Variants in ZNF225 observed in about 807,000 individuals in gnomAD.
ZNF225 encodes the protein zinc finger protein 225.
A neutral mutation model predicts 12.0 loss-of-function variants in ZNF225; 6 were observed. The ratio of observed to expected loss-of-function variants is 0.50; its 90% confidence interval spans 0.27 to 0.98. The LOEUF (loss-of-function observed/expected upper bound fraction) is 0.98, where lower values mean the gene tolerates loss of function less well. Ranked by LOEUF, ZNF225 falls within the 50% of genes least tolerant of loss-of-function variation. ZNF225 has a pLI of 0.11. For synonymous variants in ZNF225, 271 were observed against 283.2 expected, an observed-to-expected ratio of 0.96 and a Z score of 0.43; for missense variants, 763 against 848.2, an observed-to-expected ratio of 0.90 and a Z score of 1.25.
chr19:44,129,128 G>A, intron 4 of ZNF225: 3 of 1,228,974 alleles, frequency 2.4e-6, no homozygotes, highest in South Asian at 8.3e-5. Context: ...TATCAGTACA[G>A]ACAAATGAGA....
In ZNF225 at chr19:44,131,807, C is replaced by T. The variant is rs865908581; in HGVS notation, c.1193C>T (p.Thr398Ile). 5 of 1,613,504 alleles carry T rather than the reference C, an allele frequency of 3.1e-6. No individual in the cohort carries two copies. The highest frequency in any genetic ancestry group is 1.1e-5 in the South Asian group (1 of 91,032). Residue 398 changes from threonine to isoleucine, a missense_variant, in exon 5 of 5, where the codon ACA becomes ATA. Transcript: ENST00000262894. ...CATGTGCGAGTCCACAGTGGAGAGA[C>T]AACATTCAAATGTGAAGAATGTGGG... Reference protein sequence around the residue: ...SRHVRVHSGETTFKCEECGKG... With the variant: ...SRHVRVHSGEITFKCEECGKG...
chr19:44,112,729 T>C (rs954826448), upstream of ZNF225: 3 of 152,200 alleles, frequency 2.0e-5, no homozygotes, highest in Non-Finnish European at 4.4e-5. Context: ...ACAAAGACTA[T>C]AATAGTGGCA....
Position 44,131,223 on chromosome 19 carries a change from C to A in ZNF225, c.609C>A (p.Leu203=). 1 of 1,614,076 alleles carries A rather than the reference C, an allele frequency of 6.2e-7. No individual in the cohort carries two copies. The highest frequency in any genetic ancestry group is 8.5e-7 in the Non-Finnish European group (1 of 1,180,034). The part of the protein sequence containing the change: ...IHQRVHMGEK[L]YNCDVCGKEF... The stretch of plus-strand genomic sequence containing the variant: ...AGAGAGTTCACATGGGGGAGAAACT[C>A]TATAATTGTGATGTGTGTGGTAAGG... The change falls in exon 5 of 5, where the codon CTC becomes CTA. Residue 203 remains leucine (L), a synonymous_variant. Transcript: ENST00000262894.
At chr19:44,124,243 T>A (rs932849306) in intron 4 of ZNF225, among the ~76,000 whole-genome samples, 22 of 152,306 alleles carry the variant, frequency 1.4e-4, no homozygotes, top group Middle Eastern at 3.4e-3. Flanking sequence ...AATAATTTTT[T>A]AATTTCTATC....
chr19:44,118,050 A>G, intron 2 of ZNF225, 138 bp from the exon 3 acceptor site: 1 of 779,620 alleles, frequency 1.3e-6, no homozygotes, highest in Non-Finnish European at 1.8e-6. Flanking sequence ...AAATAATAAA[A>G]AAGGAAGTCT....
Position 44,132,643 on chromosome 19 carries a change from G to A in ZNF225, c.2029G>A (p.Glu677Lys). 2.5e-6 allele frequency: 4 copies of A among 1,613,924 alleles called. No homozygotes were observed. Among genetic ancestry groups the A allele is most frequent in the Non-Finnish European group, 3.4e-6 (4 of 1,179,952 alleles). ...AGACCAACAAAGAGACCAAAGTGGA[G>A]AGAAAACATCTAAATGTGAGGACTG... ...LKDQQRDQSG[E>K]KTSKCEDCGK... The change falls in exon 5 of 5, where the codon GAG (glutamate) becomes AAG (lysine). Residue 677 changes from glutamate (E) to lysine (K), a missense_variant. Coordinates refer to ENST00000262894, the MANE Select transcript of ZNF225 (RefSeq NM_013362.4).
In ZNF225 at chr19:44,131,233, G is replaced by T. The variant is rs1968249999; in HGVS notation, c.619G>T (p.Asp207Tyr). 6.2e-7 allele frequency: 1 copy of T among 1,614,196 alleles called. No homozygotes were observed. Among genetic ancestry groups the T allele is most frequent in the Non-Finnish European group, 8.5e-7 (1 of 1,180,038 alleles). ...CATGGGGGAGAAACTCTATAATTGT[G>T]ATGTGTGTGGTAAGGAATTCAATCA... Reference protein sequence around the residue: ...VHMGEKLYNCDVCGKEFNQSS... With the variant: ...VHMGEKLYNCYVCGKEFNQSS... The change falls in exon 5 of 5, where the codon GAT (aspartate) becomes TAT (tyrosine). Residue 207 changes from aspartate (D) to tyrosine (Y), a missense_variant. Asp to Tyr is a radical substitution (Grantham distance 160). Coordinates refer to ENST00000262894, the MANE Select transcript of ZNF225 (RefSeq NM_013362.4).
chr19:44,127,939 A>T (rs1968180565), intron 4 of ZNF225, among the ~76,000 whole-genome samples: 1 of 152,116 alleles, frequency 6.6e-6, no homozygotes, highest in African/African-American at 2.4e-5. Context: ...CACCACTCCT[A>T]GCCAAAAAAA....
intron 4 of ZNF225, among the ~76,000 whole-genome samples, chr19:44,125,740 T>C (rs1347278892): frequency 1.3e-5 from 2 of 152,200 alleles, no homozygotes; most frequent in South Asian, 2.1e-4. Flanking sequence ...TTTCTTATTC[T>C]TTTTTCTTTG....
At chr19:44,129,153 C>T in intron 4 of ZNF225, 2 of 1,189,030 alleles carry the variant, frequency 1.7e-6, no homozygotes, top group Non-Finnish European at 2.1e-6. Context: ...ACATGTTCTG[C>T]AAAAATTCTT....
chr19:44,132,471 TGG>T lies in ZNF225; in HGVS notation c.1860_1861del (p.Glu621LysfsTer6). 1 of 1,614,082 alleles carries T rather than the reference TGG, an allele frequency of 6.2e-7. No homozygotes were observed. Among genetic ancestry groups the T allele is most frequent in the Non-Finnish European group, 8.5e-7 (1 of 1,179,984 alleles). On this transcript the variant is annotated frameshift_variant, in exon 5 of 5. Coordinates refer to ENST00000262894, the MANE Select transcript of ZNF225 (RefSeq NM_013362.4). LOFTEE classifies it low-confidence loss of function (END_TRUNC). ...TTCATTCCCATCAGAGGGTTCACAC[TGG>T]GGAAAAGCCATACAAATGTGAGAAG... Reference protein sequence around the residue: ...QLHSHQRVHTGEKPYKCEKCG... With the variant: ...QLHSHQRVHTXEKPYKCEKCG...
chr19:44,127,271 A>G (rs1444432967), intron 4 of ZNF225, among the ~76,000 whole-genome samples: 1 of 152,208 alleles, frequency 6.6e-6, no homozygotes, highest in Non-Finnish European at 1.5e-5. Context: ...ACTCAGCTCC[A>G]GGTAAGGTCG....
intron 4 of ZNF225, among the ~76,000 whole-genome samples, chr19:44,125,253 C>T (rs546373187): frequency 2.6e-5 from 4 of 152,130 alleles, no homozygotes; most frequent in East Asian, 3.9e-4. Context: ...ATTCTGTCAG[C>T]GTTTGTCTGA....
At chr19:44,115,338 C>T (rs1392661228) in intron 1 of ZNF225, among the ~76,000 whole-genome samples, 1 of 152,176 alleles carries the variant, frequency 6.6e-6, no homozygotes, top group African/African-American at 2.4e-5. Context: ...CCTCCTTGTG[C>T]TCACTTATAG....
Position 44,131,890 on chromosome 19 carries a change from A to G in ZNF225, c.1276A>G (p.Lys426Glu), listed in dbSNP as rs779589928. Residue 426 changes from lysine to glutamate, a missense_variant, in exon 5 of 5, where the codon AAG becomes GAG. Coordinates refer to ENST00000262894, the MANE Select transcript of ZNF225 (RefSeq NM_013362.4). The part of the protein sequence containing the change: ...YSHQRAHSGE[K>E]PYRCEECGKG... ...TCACCAGAGAGCGCACAGTGGAGAA[A>G]AGCCATATAGATGTGAGGAGTGTGG... 1.2e-6 allele frequency: 2 copies of G among 1,614,082 alleles called. No homozygotes were observed. Among genetic ancestry groups the G allele is most frequent in the Non-Finnish European group, 1.7e-6 (2 of 1,180,036 alleles).
intron 1 of ZNF225, among the ~76,000 whole-genome samples, chr19:44,114,557 G>A (rs978710776): frequency 2.6e-5 from 4 of 151,980 alleles, no homozygotes; most frequent in Admixed American, 1.3e-4. Flanking sequence ...TGTCGCCCAG[G>A]CTGTAGTGCA....
chr19:44,114,165 A>C, intron 1 of ZNF225: 1 of 972,910 alleles, frequency 1.0e-6, no homozygotes, highest in Non-Finnish European at 1.6e-6. Context: ...CGACCTTTCC[A>C]AAAGAGCTGC....
rs773802408 is a variant in ZNF225, at chr19:44,118,197, A to G, written c.25A>G (p.Thr9Ala). ...ATGTTCGATGCTGTAGGAGGCAGTG[A>G]CCTTCAAGGACGTGGCTGTGGTCTT... is the stretch of plus-strand genomic sequence containing the variant. MTTLKEAV[T>A]FKDVAVVFTE... Residue 9 changes from threonine to alanine, a missense_variant, in exon 3 of 5, where the codon ACC (threonine) becomes GCC (alanine). Physicochemically the swap from Thr to Ala is moderately conservative, Grantham distance 58. Coordinates refer to ENST00000262894, the MANE Select transcript of ZNF225 (RefSeq NM_013362.4). 1.9e-6 allele frequency: 3 copies of G among 1,611,980 alleles called. No homozygotes were observed. The highest frequency in any genetic ancestry group is 2.2e-5 in the South Asian group (2 of 91,020).
upstream of ZNF225, among the ~76,000 whole-genome samples, chr19:44,112,648 T>A (rs1005491172): frequency 1.3e-5 from 2 of 152,236 alleles, no homozygotes; most frequent in African/African-American, 4.8e-5. Context: ...TATGAGTATG[T>A]AAATAATACT....
Sources: allele counts gnomAD v4.1 joint callset (sites outside exome capture counted in the v4.1 genomes callset), GRCh38; gene constraint gnomAD v4.1.1; transcripts MANE v1.5; gene names NCBI Gene and HGNC (gene_info 2026-07-23, HGNC 2026-07-21).